LINGO2: variants seen among roughly 807,000 people sequenced by gnomAD.
LINGO2 encodes the protein leucine-rich repeat and immunoglobulin-like domain-containing nogo receptor-interacting protein 2.
A neutral mutation model predicts 30.6 loss-of-function variants in LINGO2; 14 were observed. The observed-to-expected ratio is 0.46, with a 90% confidence interval of 0.30 to 0.72. LINGO2 has a LOEUF of 0.72. Among genes scored for constraint, LINGO2 ranks in the 30% least tolerant of loss-of-function variants. LINGO2 has a pLI of 0.07. For missense variants in LINGO2, 729 were observed against 751.7 expected (o/e 0.97, Z 0.35); for synonymous variants, 317 against 288.5 (o/e 1.10, Z -1.00).
intron 4 of LINGO2, among the ~76,000 whole-genome samples, chr9:28,028,597 CA>C (rs1181939360): frequency 6.6e-6 from 1 of 151,852 alleles, no homozygotes; most frequent in African/African-American, 2.4e-5. Flanking sequence ...CCATAGATAC[CA>C]AAACCAGAAG....
the LINGO2 span, among the ~76,000 whole-genome samples, chr9:28,790,502 G>A: frequency 2.1e-5 from 3 of 140,556 alleles, no homozygotes; most frequent in Non-Finnish European, 4.6e-5. Flanking sequence ...CTAATTTTTT[G>A]TATTTTTTTT....
At chr9:28,826,607 A>G in the LINGO2 span, among the ~76,000 whole-genome samples, 2 of 152,200 alleles carry the variant, frequency 1.3e-5, no homozygotes, top group Non-Finnish European at 2.9e-5. Flanking sequence ...AAAATTGGCT[A>G]GATGACCAAT....
the LINGO2 span, among the ~76,000 whole-genome samples, chr9:29,116,339 CTT>C: frequency 6.6e-6 from 1 of 151,982 alleles, no homozygotes; most frequent in African/African-American, 2.4e-5. Flanking sequence ...GCAAGCATGT[CTT>C]TGTTCAACAA....
chr9:28,456,388 C>T (rs2056860533), intron 2 of LINGO2, among the ~76,000 whole-genome samples: 1 of 152,200 alleles, frequency 6.6e-6, no homozygotes, highest in Non-Finnish European at 1.5e-5. Context: ...TCTCCATTCT[C>T]TCTATGTCTT....
intron 5 of LINGO2, among the ~76,000 whole-genome samples, chr9:28,001,616 T>C (rs1032709528): frequency 2.0e-5 from 3 of 152,158 alleles, no homozygotes; most frequent in African/African-American, 7.2e-5. Flanking sequence ...GTTGCAAGTC[T>C]TTCAGAGGCA....
At chr9:27,965,866 C>T (rs1820076208) in intron 5 of LINGO2, among the ~76,000 whole-genome samples, 2 of 151,944 alleles carry the variant, frequency 1.3e-5, no homozygotes, top group South Asian at 2.1e-4. Context: ...CTCACAAATG[C>T]GACACAAAAT....
the LINGO2 span, among the ~76,000 whole-genome samples, chr9:29,112,069 ATG>A: frequency 6.6e-6 from 1 of 151,634 alleles, no homozygotes; most frequent in Non-Finnish European, 1.5e-5. Flanking sequence ...GATATATAAT[ATG>A]TATGATGTAT....
chr9:28,087,778 T>C (rs1825955709), intron 4 of LINGO2, among the ~76,000 whole-genome samples: 1 of 152,040 alleles, frequency 6.6e-6, no homozygotes, highest in Admixed American at 6.6e-5. Flanking sequence ...ATTTCATTGG[T>C]ACATATTTCC....
At chr9:28,985,806 T>C in the LINGO2 span, among the ~76,000 whole-genome samples, 11 of 152,062 alleles carry the variant, frequency 7.2e-5, no homozygotes, top group African/African-American at 2.7e-4. Context: ...ATTCTCCCAA[T>C]CCCTAAGTTT....
intron 4 of LINGO2, among the ~76,000 whole-genome samples, chr9:28,109,207 A>G (rs1320155513): frequency 6.6e-6 from 1 of 152,226 alleles, no homozygotes; most frequent in African/African-American, 2.4e-5. Flanking sequence ...CCTTCATGTT[A>G]AAAACACTCA....
chr9:28,147,569 G>A lies in LINGO2; in HGVS notation c.-86-135164C>T, dbSNP rs1452581899. Among the ~76,000 whole-genome samples the A allele has an allele frequency of 6.6e-6, 1 of 152,244 alleles. No homozygotes were observed. The highest frequency in any genetic ancestry group is 2.4e-5 in the African/African-American group (1 of 41,570). ...GGCTGGTCCTGTGCTCTGCTTCCAGGTTCTGGCCCTGTAACCCGGGGGACA... is the reference window on the plus strand; with the variant it reads ...GGCTGGTCCTGTGCTCTGCTTCCAGATTCTGGCCCTGTAACCCGGGGGACA... On this transcript the variant is annotated intron_variant, in intron 4 of 5. Transcript: ENST00000379992. The surrounding 1 kb of genome is among the most constrained non-coding windows in gnomAD (Gnocchi z 4.7).
At chr9:27,974,909 A>G (rs1011204343) in intron 5 of LINGO2, among the ~76,000 whole-genome samples, 5 of 152,160 alleles carry the variant, frequency 3.3e-5, no homozygotes, top group African/African-American at 4.8e-5. Flanking sequence ...ACTTGGTTTC[A>G]GGAAATGCTT....
chr9:27,990,812 C>T (rs1391277310), intron 5 of LINGO2, among the ~76,000 whole-genome samples: 1 of 151,970 alleles, frequency 6.6e-6, no homozygotes, highest in Non-Finnish European at 1.5e-5. Flanking sequence ...GGGCTTTGCT[C>T]CCTGTAAAAA....
chr9:28,466,119 C>T (rs1825290224), intron 2 of LINGO2, among the ~76,000 whole-genome samples: 1 of 151,958 alleles, frequency 6.6e-6, no homozygotes, highest in Non-Finnish European at 1.5e-5. Flanking sequence ...TAGGTAGATA[C>T]TCCCCCAAAA....
At chr9:28,497,466 G>A (rs1174831746) in intron 1 of LINGO2, among the ~76,000 whole-genome samples, 3 of 152,266 alleles carry the variant, frequency 2.0e-5, no homozygotes, top group South Asian at 4.1e-4. Context: ...ACTGAAGCTT[G>A]TGCATTCGTC....
chr9:28,615,167 T>C (rs566209729), intron 1 of LINGO2, among the ~76,000 whole-genome samples: 42 of 152,200 alleles, frequency 2.8e-4, no homozygotes, highest in Admixed American at 1.0e-3. Context: ...AATGTGTATG[T>C]TGAGAAGGAA....
intron 4 of LINGO2, among the ~76,000 whole-genome samples, chr9:28,123,038 C>T (rs55865665): frequency 0.42 from 63,797 of 151,940 alleles, 14,976 homozygotes; most frequent in East Asian, 0.65. Flanking sequence ...AAATTCTCAG[C>T]ATTTGAAAAA....
chr9:28,311,430 G>A (rs1824614418), intron 3 of LINGO2, among the ~76,000 whole-genome samples: 1 of 152,128 alleles, frequency 6.6e-6, no homozygotes, highest in African/African-American at 2.4e-5. Flanking sequence ...TAATAAGCCT[G>A]GGAGCGCTAC....
At chr9:28,579,418 T>C (rs1824153695) in intron 1 of LINGO2, among the ~76,000 whole-genome samples, 1 of 152,116 alleles carries the variant, frequency 6.6e-6, no homozygotes, top group Admixed American at 6.6e-5. Context: ...AACAATACTT[T>C]GTTGCTGGCT....
Sources: allele counts gnomAD v4.1 joint callset (sites outside exome capture counted in the v4.1 genomes callset), GRCh38; gene constraint gnomAD v4.1.1; non-coding constraint Gnocchi (gnomAD v3.1); transcripts MANE v1.5; gene names NCBI Gene and HGNC (gene_info 2026-07-23, HGNC 2026-07-21).